NCF2: variants seen among roughly 807,000 people sequenced by gnomAD.
NCF2 encodes the protein neutrophil cytosolic factor 2.
A neutral mutation model predicts 70.9 loss-of-function variants in NCF2; 45 were observed. The ratio of observed to expected loss-of-function variants is 0.63; its 90% CI spans 0.50 to 0.81. NCF2 has a LOEUF of 0.81. Ranked by LOEUF, NCF2 falls within the 40% of genes least tolerant of loss-of-function variation. The probability of loss-of-function intolerance (pLI) is 0.00; values close to 1 mark genes in which losing one functional copy is unlikely to be tolerated. For synonymous variants in NCF2, 203 were observed against 233.6 expected, an observed-to-expected ratio of 0.87 and a Z score of 1.19; for missense variants, 522 against 631.6, an observed-to-expected ratio of 0.83 and a Z score of 1.86.
chr1:183,596,716 T>G, the NCF2 span, among the ~76,000 whole-genome samples: 1 of 151,576 alleles, frequency 6.6e-6, no homozygotes, highest in Non-Finnish European at 1.5e-5. Context: ...CACTCCAGCC[T>G]GGGCTACAGA....
At chr1:183,568,737 T>C (rs1672417892) in intron 7 of NCF2, among the ~76,000 whole-genome samples, 1 of 150,786 alleles carries the variant, frequency 6.6e-6, no homozygotes, top group Non-Finnish European at 1.5e-5. Context: ...CTGCAGCCAG[T>C]GCGAAACCGA....
intron 14 of NCF2, 53 bp from the exon 15 acceptor site, chr1:183,556,283 C>T (rs746071691): frequency 3.4e-6 from 5 of 1,471,760 alleles, no homozygotes; most frequent in Non-Finnish European, 4.8e-6. Flanking sequence ...AGGAAGATTA[C>T]CCTGTCTGGC....
intron 11 of NCF2, 148 bp downstream of exon 11, chr1:183,563,857 G>A: frequency 1.1e-6 from 1 of 944,276 alleles, no homozygotes; most frequent in Non-Finnish European, 1.7e-6. Flanking sequence ...TATTAAGAAG[G>A]TCCCTAGCTC....
At chr1:183,559,548 C>A (rs934657520) in intron 14 of NCF2, among the ~76,000 whole-genome samples, 1 of 152,084 alleles carries the variant, frequency 6.6e-6, no homozygotes, top group East Asian at 1.9e-4. Context: ...AAAGCATACT[C>A]CTCTTTAATA....
intron 2 of NCF2, among the ~76,000 whole-genome samples, chr1:183,586,389 C>T (rs752696377): frequency 6.6e-5 from 10 of 152,314 alleles, no homozygotes; most frequent in South Asian, 2.1e-4. Context: ...TAAGTGCATA[C>T]GCTACTTACT....
intron 5 of NCF2, among the ~76,000 whole-genome samples, chr1:183,572,087 T>G (rs1161168619): frequency 6.6e-6 from 1 of 152,212 alleles, no homozygotes; most frequent in African/African-American, 2.4e-5. Flanking sequence ...ACTGGGCAAC[T>G]TTAGCCCTAT....
Position 183,565,755 on chromosome 1 carries a change from T to A in NCF2, c.949A>T (p.Ile317Phe). The A allele has an allele frequency of 6.2e-7, 1 of 1,613,296 alleles. No individual in the cohort carries two copies. Among genetic ancestry groups the A allele is most frequent in the South Asian group, 1.1e-5 (1 of 91,038 alleles). Residue 317 changes from isoleucine (I) to phenylalanine (F), a missense_variant, in exon 10 of 15, where the codon ATC becomes TTC. By Grantham distance (21) the Ile-to-Phe change is conservative. Coordinates refer to ENST00000367535, the MANE Select transcript of NCF2 (RefSeq NM_000433.4). ...GCTTTGGAACTAGGAGGAGCTGGGA[T>A]GTCGGACTGCGGAGAGCTTTCCTCC... is the stretch of plus-strand genomic sequence containing the variant. Reference protein sequence around the residue: ...PQEESSPQSDIPAPPSSKAPG... With the variant: ...PQEESSPQSDFPAPPSSKAPG...
At chr1:183,578,066 T>C (rs1672882085) in intron 2 of NCF2, among the ~76,000 whole-genome samples, 1 of 152,222 alleles carries the variant, frequency 6.6e-6, no homozygotes, top group South Asian at 2.1e-4. Context: ...AGCCAGCACC[T>C]GCCCCCTGCC....
chr1:183,560,393 G>T, intron 13 of NCF2, 120 bp from the exon 14 acceptor site: 2 of 1,135,370 alleles, frequency 1.8e-6, no homozygotes, highest in East Asian at 2.4e-5. Context: ...TAAAGTTTGT[G>T]ATCAGTGCCT....
chr1:183,595,870 T>C (rs926226286), upstream of NCF2, among the ~76,000 whole-genome samples: 8 of 152,142 alleles, frequency 5.3e-5, no homozygotes, highest in Non-Finnish European at 1.2e-4. Context: ...GTTACAGGTC[T>C]CTCCCACTCA....
Position 183,566,850 on chromosome 1 carries a change from C to T in NCF2, c.924+70G>A, listed in dbSNP as rs1476817821. 3.1e-6 allele frequency: 5 copies of T among 1,588,836 alleles called. No individual in the cohort carries two copies. The South Asian group carries it at 4.4e-5, about 14-fold the overall frequency. On this transcript the variant is annotated intron_variant, in intron 9 of 14. Coordinates refer to ENST00000367535, the MANE Select transcript of NCF2 (RefSeq NM_000433.4). The stretch of plus-strand genomic sequence containing the variant: ...TCCTGACAACACCTCTTTTACACTG[C>T]TTTTCTCCCCTCCAGGGAGAGATCC...
chr1:183,573,465 A>G (rs1480046633), intron 4 of NCF2, among the ~76,000 whole-genome samples, 173 bp from the exon 5 acceptor site: 2 of 152,132 alleles, frequency 1.3e-5, no homozygotes, highest in Non-Finnish European at 2.9e-5. Context: ...CTTGGTTTCA[A>G]TACCACCTTC....
chr1:183,574,544 C>A lies in NCF2; in HGVS notation c.444G>T (p.Thr148=). 1 of 1,614,244 alleles carries A rather than the reference C, an allele frequency of 6.2e-7. No individual in the cohort carries two copies. The highest frequency in any genetic ancestry group is 8.5e-7 in the Non-Finnish European group (1 of 1,180,042). ...AATGTCTGGGCTCAGACTTCATGCT[C>A]GTGGCCAATGCTAACTGTTCTTCAG... ...KKAEEQLALA[T]SMKSEPRHSK... Residue 148 remains threonine (T), a synonymous_variant, in exon 4 of 15, where the codon ACG becomes ACT. Transcript: ENST00000367535.
the NCF2 span, among the ~76,000 whole-genome samples, chr1:183,599,483 T>TTTCTTTCTTTCTTTCTTTCTTTCTTTC: frequency 2.8e-4 from 20 of 72,230 alleles, no homozygotes; most frequent in Admixed American, 2.3e-3. Context: ...TCTTTCTTTC[T>TTTCTTTCTTTCTTTCTTTCTTTCTTTC]CTTTTCTTTC....
At chr1:183,567,414 C>A in intron 7 of NCF2, 69 bp from the exon 8 acceptor site, 1 of 1,605,778 alleles carries the variant, frequency 6.2e-7, no homozygotes, top group East Asian at 2.2e-5. Flanking sequence ...ATACACTGAA[C>A]TTGGAGCCAG....
chr1:183,576,321 T>C (rs937804478), intron 3 of NCF2, among the ~76,000 whole-genome samples: 4 of 152,196 alleles, frequency 2.6e-5, no homozygotes, highest in African/African-American at 4.8e-5. Flanking sequence ...ATTCCTCCCA[T>C]GGAACTGTAC....
At position 183,565,373 on chromosome 1, in the gene NCF2, CA is replaced by C. The variant is rs544821587; in HGVS notation, c.1000+330del. 9.8e-5 allele frequency among the ~76,000 whole-genome samples: 15 copies of C among 152,328 alleles called. No homozygotes were observed. In the East Asian group the frequency reaches 2.5e-3, roughly 25 times the overall value. On this transcript the variant is annotated intron_variant, in intron 10 of 14. Coordinates refer to ENST00000367535, the MANE Select transcript of NCF2 (RefSeq NM_000433.4). ...CCACTCCATGCCCCTCAGAGATAAG[CA>C]GGTATAGTTACTTCAACTTTTCTTC...
chr1:183,565,972 GATGAAA>G (rs55652036), intron 9 of NCF2, among the ~76,000 whole-genome samples, 193 bp from the exon 10 acceptor site: 157 of 152,328 alleles, frequency 1.0e-3, no homozygotes, highest in Middle Eastern at 3.4e-3. Context: ...GAGTTGGCCT[GATGAAA>G]ATGAAAATCA....
At chr1:183,560,586 CAT>C (rs1351145177) in intron 13 of NCF2, among the ~76,000 whole-genome samples, 1 of 152,114 alleles carries the variant, frequency 6.6e-6, no homozygotes, top group Non-Finnish European at 1.5e-5. Flanking sequence ...ATTAGATTCT[CAT>C]AAAGAGCATG....
Sources: allele counts gnomAD v4.1 joint callset (sites outside exome capture counted in the v4.1 genomes callset), GRCh38; gene constraint gnomAD v4.1.1; transcripts MANE v1.5; gene names NCBI Gene and HGNC (gene_info 2026-07-23, HGNC 2026-07-21).